The following WDR45B variants were observed in gnomAD, a reference collection of about 807,000 sequenced individuals.
WDR45B encodes WD repeat domain 45B.
In WDR45B, 20 loss-of-function variants were observed where a neutral mutation model predicts 44.6. The observed-to-expected ratio is 0.45, with a 90% CI of 0.32 to 0.65. The LOEUF (loss-of-function observed/expected upper bound fraction) is 0.65. Ranked by LOEUF, WDR45B falls within the 30% of genes least tolerant of loss-of-function variation. The pLI, the probability that WDR45B is intolerant of heterozygous loss-of-function variation, is 0.05. For missense variants in WDR45B, 323 were observed against 430.2 expected, an observed-to-expected ratio of 0.75 and a Z score of 2.20; for synonymous variants, 169 against 164.9, an observed-to-expected ratio of 1.02 and a Z score of -0.19.
chr17:82,629,516 C>T, intron 3 of WDR45B: 1 of 985,536 alleles, frequency 1.0e-6, no homozygotes, highest in Non-Finnish European at 1.2e-6. Flanking sequence ...TGCTTTAAAG[C>T]TGGCACAGAC....
intron 2 of WDR45B, among the ~76,000 whole-genome samples, chr17:82,631,277 A>ATTTTTTT (rs386386786): frequency 1.2e-4 from 10 of 86,844 alleles, no homozygotes; most frequent in Non-Finnish European, 1.7e-4. Flanking sequence ...TACAGGACTC[A>ATTTTTTT]TTTTTTTTTT....
chr17:82,619,363 A>T (rs1404537017), intron 6 of WDR45B, among the ~76,000 whole-genome samples: 1 of 152,104 alleles, frequency 6.6e-6, no homozygotes, highest in Non-Finnish European at 1.5e-5. Context: ...AGAGGCTTCC[A>T]GAGACAACCT....
chr17:82,616,826 T>TC (rs1399546979), intron 8 of WDR45B, among the ~76,000 whole-genome samples, 181 bp from the exon 9 acceptor site: 6 of 151,752 alleles, frequency 4.0e-5, no homozygotes, highest in Admixed American at 3.9e-4. Flanking sequence ...AAAAAAAAAT[T>TC]TTTTTTTTTG....
chr17:82,617,271 C>G, intron 8 of WDR45B, 25 bp downstream of exon 8: 1 of 1,608,248 alleles, frequency 6.2e-7, no homozygotes, highest in Non-Finnish European at 8.5e-7. Flanking sequence ...CCCGGCTTTT[C>G]CCCAGCAGGC....
At chr17:82,641,926 T>C (rs2045921734) in intron 2 of WDR45B, among the ~76,000 whole-genome samples, 1 of 151,012 alleles carries the variant, frequency 6.6e-6, no homozygotes, top group African/African-American at 2.4e-5. Flanking sequence ...CTCCAAGAGG[T>C]ATTTTCTGTA....
intron 2 of WDR45B, among the ~76,000 whole-genome samples, chr17:82,642,777 T>C (rs1331733929): frequency 2.0e-5 from 3 of 152,208 alleles, no homozygotes; most frequent in Non-Finnish European, 4.4e-5. Context: ...ACAACTGTCG[T>C]GCTGTTAAGA....
chr17:82,639,377 A>C (rs7503591), intron 2 of WDR45B, among the ~76,000 whole-genome samples: 125,034 of 151,820 alleles, frequency 0.82, 51,901 homozygotes, highest in African/African-American at 0.91. Context: ...ATTGGTATAC[A>C]GGCACCAAAC....
At position 82,629,436 on chromosome 17, in the gene WDR45B, G is replaced by C. The variant is rs549231358; in HGVS notation, c.244+1485C>G. ...AACCTCCGCTGTCCCTTCTGGGTGGGCTCCTCCAGAGGACTCACAAGCCAC... is the reference window on the plus strand; with the variant it reads ...AACCTCCGCTGTCCCTTCTGGGTGGCCTCCTCCAGAGGACTCACAAGCCAC... On this transcript the variant is annotated intron_variant, in intron 3 of 9. Coordinates refer to ENST00000392325, the MANE Select transcript of WDR45B (RefSeq NM_019613.4). The C allele has an allele frequency of 9.8e-6, 9 of 919,274 alleles. No homozygotes were observed. In the African/African-American group the frequency reaches 1.6e-4, roughly 16 times the overall value. The allele number at this position is 919,274 out of a possible 1,614,324, so 56.9% of individuals were successfully genotyped here.
At chr17:82,628,082 T>C (rs2045721906) in intron 3 of WDR45B, among the ~76,000 whole-genome samples, 1 of 152,130 alleles carries the variant, frequency 6.6e-6, no homozygotes, top group African/African-American at 2.4e-5. Context: ...AGCCTTGACC[T>C]CCCAGGCTCA....
intron 5 of WDR45B, among the ~76,000 whole-genome samples, chr17:82,624,012 G>C (rs2045658101): frequency 6.6e-6 from 1 of 152,116 alleles, no homozygotes; most frequent in African/African-American, 2.4e-5. Flanking sequence ...GCATTTTATA[G>C]TCAGACACAA....
intron 7 of WDR45B, among the ~76,000 whole-genome samples, chr17:82,617,940 T>G (rs1382728817): frequency 2.0e-5 from 3 of 151,868 alleles, no homozygotes; most frequent in Non-Finnish European, 4.4e-5. Flanking sequence ...TTCTTTTTTT[T>G]TTTTTTGAGA....
intron 1 of WDR45B, 123 bp from the exon 2 acceptor site, chr17:82,644,146 G>A (rs902257202): frequency 9.3e-6 from 8 of 863,148 alleles, no homozygotes; most frequent in Non-Finnish European, 1.5e-5. Context: ...GACACGATAG[G>A]TGCTAAGTCA....
chr17:82,632,168 C>CTT (rs199660056), intron 2 of WDR45B, among the ~76,000 whole-genome samples: 1 of 151,076 alleles, frequency 6.6e-6, no homozygotes, highest in Non-Finnish European at 1.5e-5. Context: ...TTATCATTTC[C>CTT]TTTTTTTTTA....
intron 1 of WDR45B, among the ~76,000 whole-genome samples, chr17:82,645,769 C>T (rs1247206802): frequency 6.6e-6 from 1 of 152,132 alleles, no homozygotes; most frequent in Non-Finnish European, 1.5e-5. Context: ...CCCAAATGCC[C>T]AACCATGGTA....
intron 5 of WDR45B, among the ~76,000 whole-genome samples, chr17:82,623,638 C>T (rs2045650595): frequency 6.7e-6 from 1 of 150,140 alleles, no homozygotes; most frequent in Non-Finnish European, 1.5e-5. Context: ...GCAGAGGCTG[C>T]AGTGAGCCGA....
intron 2 of WDR45B, among the ~76,000 whole-genome samples, chr17:82,631,942 C>T (rs1055918640): frequency 1.7e-4 from 26 of 151,894 alleles, no homozygotes; most frequent in East Asian, 5.9e-4. Flanking sequence ...AATTAGCCGG[C>T]GTGGTGGCAG....
chr17:82,630,880 G>T, intron 3 of WDR45B, 41 bp downstream of exon 3: 1 of 1,557,566 alleles, frequency 6.4e-7, no homozygotes, highest in Non-Finnish European at 8.8e-7. Context: ...AGACTGGGTG[G>T]GACACGTGAG....
intron 1 of WDR45B, among the ~76,000 whole-genome samples, chr17:82,645,938 C>T (rs1002435993): frequency 3.3e-5 from 5 of 151,544 alleles, no homozygotes; most frequent in Non-Finnish European, 5.9e-5. Flanking sequence ...CTGGCTAACA[C>T]GGTGAAACCC....
chr17:82,622,757 G>A (rs1448915134), intron 5 of WDR45B, among the ~76,000 whole-genome samples: 1 of 150,796 alleles, frequency 6.6e-6, no homozygotes, highest in African/African-American at 2.4e-5. Flanking sequence ...AAGATTGCAA[G>A]ACTTATATTA....
Sources: gnomAD v4.1 joint callset for allele counts (sites outside exome capture counted in the v4.1 genomes callset) on GRCh38, gnomAD v4.1.1 for gene constraint, MANE v1.5 for transcripts, NCBI Gene and HGNC (gene_info 2026-07-23, HGNC 2026-07-21) for gene names.